Variants in IARS2 observed in about 807,000 individuals in gnomAD.
IARS2 encodes the protein isoleucine--tRNA ligase, mitochondrial.
Under a neutral mutation model 126.3 loss-of-function variants are expected in IARS2, and 56 were observed. The observed-to-expected ratio is 0.44, with a 90% confidence interval of 0.36 to 0.55. The LOEUF (loss-of-function observed/expected upper bound fraction) is 0.55. Among genes scored for constraint, IARS2 ranks in the 20% least tolerant of loss-of-function variants. IARS2 has a pLI of 0.00. For missense variants in IARS2, 1,127 were observed against 1,245.9 expected (o/e 0.90, Z 1.44); for synonymous variants, 407 against 441.1 (o/e 0.92, Z 0.97).
At chr1:220,106,760 G>A (rs1379942049) in intron 9 of IARS2, among the ~76,000 whole-genome samples, 1 of 151,650 alleles carries the variant, frequency 6.6e-6, no homozygotes, top group Admixed American at 6.6e-5. Flanking sequence ...AGCCTCCCGA[G>A]TAGCTGGGAC....
At chr1:220,123,378 A>G (rs1424210534) in intron 12 of IARS2, among the ~76,000 whole-genome samples, 1 of 152,176 alleles carries the variant, frequency 6.6e-6, no homozygotes, top group African/African-American at 2.4e-5. Context: ...TGATGGTAAC[A>G]TTATACTTTT....
chr1:220,101,788 C>A (rs1364957340), intron 3 of IARS2, among the ~76,000 whole-genome samples: 3 of 152,092 alleles, frequency 2.0e-5, no homozygotes, highest in East Asian at 1.9e-4. Context: ...ATCACGAGGT[C>A]AGGAGATCCA....
Position 220,139,012 on chromosome 1 carries a change from G to A in IARS2, c.2180G>A (p.Arg727Lys), listed in dbSNP as rs1425839044. The A allele has an allele frequency of 6.2e-7, 1 of 1,612,578 alleles. No homozygotes were observed. ...NAARDDISKL[R>K]NTLRFLLGNV... ...ATTTTTTCTTCCTATGAATAGCTTA[G>A]GAATACACTTCGCTTTCTTTTGGGA... is the stretch of plus-strand genomic sequence containing the variant. Residue 727 changes from arginine to lysine, a missense_variant, in exon 18 of 23, where the codon AGG becomes AAG. Transcript: ENST00000366922.
intron 18 of IARS2, among the ~76,000 whole-genome samples, chr1:220,139,750 T>TA (rs71560602): frequency 2.4e-4 from 36 of 147,292 alleles, no homozygotes; most frequent in Admixed American, 2.7e-4. Flanking sequence ...GACCCTGTCT[T>TA]AAAAAAAAAA....
At chr1:220,117,254 C>T (rs1189868011) in intron 12 of IARS2, among the ~76,000 whole-genome samples, 4 of 132,176 alleles carry the variant, frequency 3.0e-5, no homozygotes, top group African/African-American at 5.7e-5. Flanking sequence ...TGTAGTGGCA[C>T]GATCTCAGCT....
At chr1:220,098,484 A>G (rs1037799769) in intron 2 of IARS2, among the ~76,000 whole-genome samples, 1 of 151,928 alleles carries the variant, frequency 6.6e-6, no homozygotes, top group African/African-American at 2.4e-5. Context: ...CTAACCCTAT[A>G]ATTTGCTTTT....
chr1:220,125,894 C>T (rs983232238), intron 13 of IARS2, among the ~76,000 whole-genome samples: 6 of 151,888 alleles, frequency 4.0e-5, no homozygotes, highest in African/African-American at 1.5e-4. Flanking sequence ...ATCACAAGGT[C>T]AGGAGATCGA....
chr1:220,143,132 G>A lies in IARS2; in HGVS notation c.2749G>A (p.Glu917Lys). ...ACCTGGACTGCTTTTTGAGATAATA[G>A]AGGTATGCAGCAATATGTACCTTTT... ...IEPGLLFEII[E>K]MLQSEETSST... The change falls in exon 21 of 23, where the codon GAG becomes AAG. Residue 917 changes from glutamate (E) to lysine (K), a missense_variant and splice_region_variant. Coordinates refer to ENST00000366922, the MANE Select transcript of IARS2 (RefSeq NM_018060.4). 1 of 1,610,530 alleles carries A rather than the reference G, an allele frequency of 6.2e-7. No individual in the cohort carries two copies. The highest frequency in any genetic ancestry group is 8.5e-7 in the Non-Finnish European group (1 of 1,177,410).
intron 14 of IARS2, among the ~76,000 whole-genome samples, chr1:220,127,240 T>C (rs1199423899): frequency 6.6e-6 from 1 of 152,242 alleles, no homozygotes; most frequent in Non-Finnish European, 1.5e-5. Context: ...AATTAGGTGA[T>C]GGTCACATAG....
chr1:220,138,905 C>A (rs1358871599), intron 17 of IARS2, 103 bp from the exon 18 acceptor site: 3 of 1,017,236 alleles, frequency 2.9e-6, no homozygotes, highest in African/African-American at 3.2e-5. Flanking sequence ...TAAAAATACC[C>A]CACTAAGAAA....
In IARS2 at chr1:220,105,941, G is replaced by T; in HGVS notation, c.1117G>T (p.Ala373Ser). The T allele has an allele frequency of 6.2e-7, 1 of 1,614,072 alleles. No individual in the cohort carries two copies. The highest frequency in any genetic ancestry group is 8.5e-7 in the Non-Finnish European group (1 of 1,179,976). Residue 373 changes from alanine (A) to serine (S), a missense_variant, in exon 9 of 23, where the codon GCC becomes TCC. Physicochemically the swap from Ala to Ser is moderately conservative, Grantham distance 99. Coordinates refer to ENST00000366922, the MANE Select transcript of IARS2 (RefSeq NM_018060.4). ...TCSHPLIPDK[A>S]SPLLPANHVT... ...CAGTCATCCATTAATTCCTGATAAA[G>T]CCTCTCCTCTTTTACCTGCAAATCA...
intron 3 of IARS2, among the ~76,000 whole-genome samples, chr1:220,101,861 C>T (rs529010736): frequency 4.5e-4 from 69 of 151,714 alleles, no homozygotes; most frequent in African/African-American, 1.5e-3. Context: ...ATTAGCCGGG[C>T]GTGGTGGCGG....
At chr1:220,122,989 G>T (rs1657078472) in intron 12 of IARS2, among the ~76,000 whole-genome samples, 1 of 149,706 alleles carries the variant, frequency 6.7e-6, no homozygotes, top group Admixed American at 6.7e-5. Flanking sequence ...TTTTTAATGA[G>T]AATTTCATTA....
At chr1:220,140,767 G>A (rs1024707289) in intron 19 of IARS2, among the ~76,000 whole-genome samples, 5 of 151,846 alleles carry the variant, frequency 3.3e-5, no homozygotes, top group East Asian at 1.9e-4. Flanking sequence ...GGCGGATCAC[G>A]AGGTCAGGAG....
chr1:220,130,610 T>C (rs906892987), intron 14 of IARS2, among the ~76,000 whole-genome samples: 8 of 152,130 alleles, frequency 5.3e-5, no homozygotes, highest in African/African-American at 1.9e-4. Context: ...CAGGCTGGAG[T>C]GCAGTGGCAC....
chr1:220,108,878 T>C (rs1656740904), intron 10 of IARS2, among the ~76,000 whole-genome samples: 1 of 149,588 alleles, frequency 6.7e-6, no homozygotes, highest in Admixed American at 6.6e-5. Flanking sequence ...TTTTTTTTTT[T>C]TTTTATTGGA....
chr1:220,131,763 G>A (rs1657272805), intron 14 of IARS2, among the ~76,000 whole-genome samples: 1 of 151,586 alleles, frequency 6.6e-6, no homozygotes, highest in East Asian at 2.0e-4. Context: ...TGGGATTACA[G>A]GCATGAGCCA....
intron 12 of IARS2, 78 bp from the exon 13 acceptor site, chr1:220,125,159 C>G: frequency 2.5e-6 from 2 of 795,208 alleles, no homozygotes; most frequent in Non-Finnish European, 3.9e-6. Context: ...AAATAAATCA[C>G]TATTTCTTAA....
chr1:220,109,696 C>T (rs971337837), intron 10 of IARS2, among the ~76,000 whole-genome samples: 1 of 152,170 alleles, frequency 6.6e-6, no homozygotes, highest in African/African-American at 2.4e-5. Context: ...AACACCAGTG[C>T]TCCCTAATGC....
Sources: gnomAD v4.1 joint callset for allele counts (sites outside exome capture counted in the v4.1 genomes callset) on GRCh38, gnomAD v4.1.1 for gene constraint, MANE v1.5 for transcripts, NCBI Gene and HGNC (gene_info 2026-07-23, HGNC 2026-07-21) for gene names.